The following HDAC9 variants were observed in gnomAD, a reference collection of about 807,000 sequenced individuals.
HDAC9 encodes the protein histone deacetylase 9, also known as MEF-2 interacting transcription repressor (MITR) protein.
A neutral mutation model predicts 139.4 loss-of-function variants in HDAC9; 41 were observed. That is an observed-to-expected ratio of 0.29 (90% CI 0.23 to 0.38). The LOEUF (loss-of-function observed/expected upper bound fraction) is 0.38, where lower values mean the gene tolerates loss of function less well. Ranked by LOEUF, HDAC9 falls within the 10% of genes least tolerant of loss-of-function variation. HDAC9 has a pLI of 1.00. For missense variants in HDAC9, 1,147 were observed against 1,297.0 expected, an observed-to-expected ratio of 0.88 and a Z score of 1.78; for synonymous variants, 517 against 476.2, an observed-to-expected ratio of 1.09 and a Z score of -1.12.
At chr7:18,504,640 A>AT (rs11381401) in intron 2 of HDAC9, among the ~76,000 whole-genome samples, 36,412 of 152,094 alleles carry the variant, frequency 0.24, 5,189 homozygotes, top group East Asian at 0.49. Context: ...TTGTAAGCAT[A>AT]TTTTTTTCAA....
chr7:18,822,347 T>TTTG (rs3085431), intron 17 of HDAC9, among the ~76,000 whole-genome samples: 60,002 of 149,850 alleles, frequency 0.4, 12,201 homozygotes, highest in South Asian at 0.61. Flanking sequence ...TGTTTGTTTG[T>TTTG]TTGTTGTTGT....
intron 1 of HDAC9, among the ~76,000 whole-genome samples, chr7:18,488,603 A>C (rs962936613): frequency 7.2e-5 from 11 of 152,010 alleles, no homozygotes; most frequent in Non-Finnish European, 1.5e-4. Flanking sequence ...TTAAAGATAG[A>C]GCATGAAGAC....
intron 22 of HDAC9, among the ~76,000 whole-genome samples, chr7:18,913,178 A>C (rs1010217848): frequency 2.6e-5 from 4 of 152,088 alleles, no homozygotes; most frequent in Non-Finnish European, 5.9e-5. Context: ...TCCACGGTTG[A>C]ACTTTCTCCA....
chr7:18,138,604 A>T (rs1455567168), intron 1 of HDAC9, among the ~76,000 whole-genome samples: 2 of 149,700 alleles, frequency 1.3e-5, no homozygotes, highest in African/African-American at 5.0e-5. Flanking sequence ...GCTCAAGTGG[A>T]TACAGTGCTG....
At chr7:18,870,298 T>C (rs1340069356) in intron 21 of HDAC9, among the ~76,000 whole-genome samples, 1 of 152,172 alleles carries the variant, frequency 6.6e-6, no homozygotes. Context: ...TCTCCTCCAA[T>C]CTGTAGCAAG....
chr7:18,948,923 A>C (rs528037077), intron 23 of HDAC9: 2 of 330,594 alleles, frequency 6.0e-6, no homozygotes, highest in African/African-American at 4.4e-5. Flanking sequence ...CCACTGCCAG[A>C]GATCTTGAAT....
intron 1 of HDAC9, among the ~76,000 whole-genome samples, chr7:18,362,192 C>T (rs1783835135): frequency 6.6e-6 from 1 of 152,210 alleles, no homozygotes; most frequent in Non-Finnish European, 1.5e-5. Flanking sequence ...ACCATGTAGA[C>T]TTTCCGCATT....
intron 21 of HDAC9, among the ~76,000 whole-genome samples, chr7:18,859,017 A>G (rs1797894330): frequency 1.3e-5 from 2 of 152,298 alleles, no homozygotes; most frequent in South Asian, 4.1e-4. Context: ...CAAGCTTCCG[A>G]GAACGTGATC....
At chr7:18,232,916 C>T (rs1348940836) in intron 2 of HDAC9, among the ~76,000 whole-genome samples, 1 of 152,168 alleles carries the variant, frequency 6.6e-6, no homozygotes, top group Non-Finnish European at 1.5e-5. Context: ...ACATCATTTC[C>T]ATTAATTTAT....
intron 1 of HDAC9, among the ~76,000 whole-genome samples, chr7:18,460,230 T>A (rs1418229493): frequency 1.3e-5 from 2 of 152,186 alleles, no homozygotes; most frequent in Non-Finnish European, 1.5e-5. Flanking sequence ...GTAGAAGGTA[T>A]AATTCCAGCC....
intron 18 of HDAC9, 34 bp from the exon 19 acceptor site, chr7:18,829,427 C>A (rs1795699407): frequency 6.8e-7 from 1 of 1,466,948 alleles, no homozygotes; most frequent in Non-Finnish European, 9.5e-7. Flanking sequence ...GGATGATTTG[C>A]TTTCTTATTT....
intron 2 of HDAC9, among the ~76,000 whole-genome samples, chr7:18,579,179 G>A (rs1027607608): frequency 1.3e-5 from 2 of 152,122 alleles, no homozygotes; most frequent in Non-Finnish European, 2.9e-5. Context: ...AAAGATTAAA[G>A]TCTGCAACAA....
chr7:18,694,160 G>T (rs1782866589), intron 12 of HDAC9, among the ~76,000 whole-genome samples: 1 of 152,120 alleles, frequency 6.6e-6, no homozygotes, highest in Non-Finnish European at 1.5e-5. Flanking sequence ...TGACCCAGTA[G>T]ACCTGCCTCA....
chr7:18,306,444 C>T (rs978394975), intron 1 of HDAC9, among the ~76,000 whole-genome samples: 1 of 152,182 alleles, frequency 6.6e-6, no homozygotes, highest in Admixed American at 6.5e-5. Flanking sequence ...GAGTTTTACC[C>T]ATGCTCCAGA....
intron 6 of HDAC9, among the ~76,000 whole-genome samples, chr7:18,600,607 G>A (rs1215304331): frequency 6.6e-6 from 1 of 152,008 alleles, no homozygotes; most frequent in African/African-American, 2.4e-5. Flanking sequence ...TTTATTTCTG[G>A]GCTCTCTATT....
intron 2 of HDAC9, among the ~76,000 whole-genome samples, chr7:18,510,212 C>T (rs978954245): frequency 6.6e-6 from 1 of 152,092 alleles, no homozygotes; most frequent in African/African-American, 2.4e-5. Flanking sequence ...TTAAATGCTT[C>T]AGTTATTCTT....
chr7:18,666,786 C>A lies in HDAC9; in HGVS notation c.1731+310C>A, dbSNP rs1023256717. ...AATAGGCTTTAAATTTATCCCAAAG[C>A]CTGCTACACCAATTACTTCTAAAGA... On this transcript the variant is annotated intron_variant, in intron 12 of 25. Coordinates refer to ENST00000686413, the MANE Select transcript of HDAC9 (RefSeq NM_178425.4). 7.1e-6 allele frequency: 8 copies of A among 1,133,200 alleles called. No individual in the cohort carries two copies. The South Asian group carries it at 2.9e-4, about 41-fold the overall frequency. The allele number at this position is 1,133,200 out of a possible 1,614,324, so 70.2% of individuals were successfully genotyped here. A position where few individuals can be genotyped will look rare whatever the true frequency, so the allele number is the denominator to read the frequency against.
At chr7:18,154,890 TTCAACATGCTTGG>T (rs1003137981) in intron 1 of HDAC9, among the ~76,000 whole-genome samples, 9 of 152,214 alleles carry the variant, frequency 5.9e-5, no homozygotes, top group Admixed American at 2.6e-4. Context: ...ACGGGTTCTT[TTCAACATGCTTGG>T]TCGGCAGTTT....
rs543869674 is a variant in HDAC9 at position 18,749,010 on chromosome 7, G to T, written c.1915G>T (p.Ala639Ser). 6.2e-7 allele frequency: 1 copy of T among 1,613,248 alleles called. No homozygotes were observed. The highest frequency in any genetic ancestry group is 2.2e-5 in the East Asian group (1 of 44,876). Residue 639 changes from alanine (A) to serine (S), a missense_variant, in exon 14 of 26, where the codon GCC becomes TCC. Transcript: ENST00000686413. ...GTATTTCCCTTGTCTTAAAGGAATT[G>T]CCTATGACCCCTTGATGCTGAAACA... Reference protein sequence around the residue: ...PLQPGSATGIAYDPLMLKHQC... With the variant: ...PLQPGSATGISYDPLMLKHQC...
Sources: allele counts gnomAD v4.1 joint callset (sites outside exome capture counted in the v4.1 genomes callset), GRCh38; gene constraint gnomAD v4.1.1; transcripts MANE v1.5; gene names NCBI Gene and HGNC (gene_info 2026-07-23, HGNC 2026-07-21).